The following MEGF10 variants were observed in gnomAD, a reference collection of about 807,000 sequenced individuals.
MEGF10 encodes multiple epidermal growth factor-like domains protein 10.
In MEGF10, 86 loss-of-function variants were observed where a neutral mutation model predicts 147.5. That is an observed-to-expected ratio of 0.58 (90% CI 0.49 to 0.70). The LOEUF (loss-of-function observed/expected upper bound fraction) is 0.70, where lower values mean the gene tolerates loss of function less well. Among genes scored for constraint, MEGF10 ranks in the 30% least tolerant of loss-of-function variants. MEGF10 has a pLI of 0.00. For missense variants in MEGF10, 1,329 were observed against 1,487.3 expected, an observed-to-expected ratio of 0.89 and a Z score of 1.75; for synonymous variants, 478 against 525.5, an observed-to-expected ratio of 0.91 and a Z score of 1.24.
chr5:127,419,300 A>C, intron 11 of MEGF10, 60 bp downstream of exon 11: 1 of 1,554,632 alleles, frequency 6.4e-7, no homozygotes, highest in South Asian at 1.2e-5. Flanking sequence ...CTAAAGACAC[A>C]AAAAAGAAAA....
chr5:127,408,549 C>G (rs1311795264), intron 8 of MEGF10, among the ~76,000 whole-genome samples: 1 of 152,182 alleles, frequency 6.6e-6, no homozygotes, highest in Admixed American at 6.5e-5. Flanking sequence ...AAAATACACT[C>G]TGGTCCAAAA....
chr5:127,387,466 AT>A (rs1208014749), intron 5 of MEGF10, among the ~76,000 whole-genome samples: 2 of 152,204 alleles, frequency 1.3e-5, no homozygotes, highest in East Asian at 3.9e-4. Context: ...AACAACTATT[AT>A]TTCTCAGATA....
the MEGF10 span, among the ~76,000 whole-genome samples, chr5:127,274,308 ATT>A: frequency 1.3e-5 from 2 of 152,192 alleles, no homozygotes; most frequent in African/African-American, 4.8e-5. Flanking sequence ...TTTGTGAAAA[ATT>A]TTTGTTTCAA....
chr5:127,270,334 A>T, the MEGF10 span, among the ~76,000 whole-genome samples: 1 of 152,140 alleles, frequency 6.6e-6, no homozygotes, highest in Non-Finnish European at 1.5e-5. Flanking sequence ...TATTCAGGAG[A>T]CCCATCTCAT....
intron 18 of MEGF10, among the ~76,000 whole-genome samples, chr5:127,442,175 T>C (rs1371588023): frequency 6.6e-6 from 1 of 152,218 alleles, no homozygotes; most frequent in Non-Finnish European, 1.5e-5. Flanking sequence ...AGTGCTTCCA[T>C]GATTACTCTC....
chr5:127,379,594 C>CTTTTTTTTTTTT (rs36030791), intron 5 of MEGF10, among the ~76,000 whole-genome samples: 1 of 90,380 alleles, frequency 1.1e-5, no homozygotes, highest in Non-Finnish European at 2.1e-5. Context: ...TGGCCAGCTT[C>CTTTTTTTTTTTT]TTTTTTTTTT....
the MEGF10 span, among the ~76,000 whole-genome samples, chr5:127,231,379 T>C: frequency 6.6e-6 from 1 of 152,146 alleles, no homozygotes; most frequent in African/African-American, 2.4e-5. Context: ...CTCCTTCCTG[T>C]GTCTTGGGCA....
the MEGF10 span, among the ~76,000 whole-genome samples, chr5:127,260,320 C>A: frequency 6.6e-6 from 1 of 152,246 alleles, no homozygotes; most frequent in South Asian, 2.1e-4. Flanking sequence ...TGACCTGTCA[C>A]CTTTGTTCTT....
chr5:127,363,820 C>A (rs1762561912), intron 4 of MEGF10, among the ~76,000 whole-genome samples: 1 of 152,164 alleles, frequency 6.6e-6, no homozygotes, highest in East Asian at 1.9e-4. Context: ...AGGTTCCTAG[C>A]ATTCTCAAGC....
intron 1 of MEGF10, among the ~76,000 whole-genome samples, chr5:127,312,421 C>T (rs1436055591): frequency 6.6e-6 from 1 of 152,160 alleles, no homozygotes; most frequent in Non-Finnish European, 1.5e-5. Context: ...GGCCTAATAA[C>T]AGATGTGGTG....
chr5:127,342,012 C>A (rs1761699967), intron 4 of MEGF10, among the ~76,000 whole-genome samples: 1 of 152,176 alleles, frequency 6.6e-6, no homozygotes, highest in Non-Finnish European at 1.5e-5. Context: ...AATTTAAATA[C>A]CCACCAGCAG....
chr5:127,263,852 CA>C, the MEGF10 span, among the ~76,000 whole-genome samples: 2 of 152,124 alleles, frequency 1.3e-5, no homozygotes, highest in African/African-American at 4.8e-5. Flanking sequence ...AGATTCCACA[CA>C]TGGTTACATT....
At chr5:127,289,415 A>C (rs1759139069), upstream of MEGF10, among the ~76,000 whole-genome samples, 1 of 152,216 alleles carries the variant, frequency 6.6e-6, no homozygotes, top group African/African-American at 2.4e-5. Flanking sequence ...AACTCCTGGC[A>C]GAGAGGGCCT....
intron 7 of MEGF10, among the ~76,000 whole-genome samples, chr5:127,402,019 A>G (rs957274940): frequency 6.6e-6 from 1 of 152,230 alleles, no homozygotes; most frequent in African/African-American, 2.4e-5. Flanking sequence ...TTGTTAATTC[A>G]GGTACACAAA....
the MEGF10 span, among the ~76,000 whole-genome samples, chr5:127,240,669 A>G: frequency 6.8e-5 from 10 of 147,338 alleles, no homozygotes; most frequent in East Asian, 2.3e-4. Context: ...TCCTTTCACA[A>G]TCAATATGAC....
the MEGF10 span, among the ~76,000 whole-genome samples, chr5:127,255,608 G>A: frequency 6.6e-6 from 1 of 152,274 alleles, no homozygotes; most frequent in Admixed American, 6.5e-5. Context: ...CTTTGCAAAG[G>A]TGGTTTCAAT....
the MEGF10 span, among the ~76,000 whole-genome samples, chr5:127,276,362 G>C: frequency 6.6e-6 from 1 of 152,158 alleles, no homozygotes. Context: ...AATTCCCTGG[G>C]TTTAAAGAAA....
chr5:127,415,563 G>C (rs1764729412), intron 9 of MEGF10, among the ~76,000 whole-genome samples: 1 of 152,046 alleles, frequency 6.6e-6, no homozygotes, highest in Non-Finnish European at 1.5e-5. Flanking sequence ...ATATATTTTG[G>C]AGTTAGAATG....
intron 1 of MEGF10, among the ~76,000 whole-genome samples, chr5:127,327,830 T>C (rs1005254148): frequency 6.6e-6 from 1 of 151,566 alleles, no homozygotes; most frequent in South Asian, 2.1e-4. Flanking sequence ...TTCTTCTGCC[T>C]CAGCCTCCCA....
Sources: gnomAD v4.1 joint callset for allele counts (sites outside exome capture counted in the v4.1 genomes callset) on GRCh38, gnomAD v4.1.1 for gene constraint, MANE v1.5 for transcripts, NCBI Gene and HGNC (gene_info 2026-07-23, HGNC 2026-07-21) for gene names.